Variants in PCGF5 observed in about 807,000 individuals in gnomAD.
PCGF5 encodes the protein polycomb group RING finger protein 5.
In PCGF5, 9 loss-of-function variants were observed where a neutral mutation model predicts 44.3. The observed-to-expected ratio is 0.20, with a 90% CI of 0.12 to 0.35. The LOEUF (loss-of-function observed/expected upper bound fraction) is 0.35. PCGF5 is among the 10% of genes least tolerant of loss of function. PCGF5 has a pLI of 1.00. For synonymous variants in PCGF5, 95 were observed against 102.5 expected (o/e 0.93, Z 0.44); for missense variants, 146 against 305.3 (o/e 0.48, Z 3.89).
chr10:91,164,913 T>C (rs919874038), intron 1 of PCGF5, among the ~76,000 whole-genome samples: 1 of 152,256 alleles, frequency 6.6e-6, no homozygotes, highest in African/African-American at 2.4e-5. Flanking sequence ...CTCTTCTTAC[T>C]GGAATGTAAG....
intron 9 of PCGF5, among the ~76,000 whole-genome samples, chr10:91,273,704 A>C (rs1846237984): frequency 6.6e-6 from 1 of 152,106 alleles, no homozygotes; most frequent in Non-Finnish European, 1.5e-5. Flanking sequence ...TGCCATTCTT[A>C]ATAGCAAAAA....
intron 2 of PCGF5, among the ~76,000 whole-genome samples, chr10:91,228,604 T>C (rs1044095112): frequency 1.3e-5 from 2 of 152,200 alleles, no homozygotes; most frequent in Non-Finnish European, 1.5e-5. Flanking sequence ...TGTGGTAATA[T>C]GTAAGAAGGA....
upstream of PCGF5, among the ~76,000 whole-genome samples, chr10:91,215,385 A>T: frequency 6.6e-6 from 1 of 152,382 alleles, no homozygotes. Flanking sequence ...CTTAATATGC[A>T]TATAATAGTC....
At chr10:91,241,138 G>A (rs565225094) in intron 3 of PCGF5, among the ~76,000 whole-genome samples, 5 of 151,356 alleles carry the variant, frequency 3.3e-5, no homozygotes, top group Non-Finnish European at 5.9e-5. Context: ...GCAATGGTGC[G>A]ATCTCAGCTC....
chr10:91,175,287 T>A (rs1016649401), intron 1 of PCGF5, among the ~76,000 whole-genome samples: 5 of 152,028 alleles, frequency 3.3e-5, no homozygotes, highest in African/African-American at 1.2e-4. Flanking sequence ...GGTACAATGA[T>A]CGACTGAAAA....
At chr10:91,255,978 A>G (rs548683062) in intron 6 of PCGF5, among the ~76,000 whole-genome samples, 1 of 152,168 alleles carries the variant, frequency 6.6e-6, no homozygotes, top group South Asian at 2.1e-4. Context: ...TTAATACTAT[A>G]TTATTTTTAT....
At chr10:91,189,273 C>A (rs1843986831) in intron 1 of PCGF5, among the ~76,000 whole-genome samples, 1 of 152,216 alleles carries the variant, frequency 6.6e-6, no homozygotes, top group Non-Finnish European at 1.5e-5. Context: ...TCTTGGTCAT[C>A]TCCCTGTGTT....
intron 2 of PCGF5, among the ~76,000 whole-genome samples, chr10:91,236,235 C>G (rs554767218): frequency 6.6e-6 from 1 of 152,310 alleles, no homozygotes; most frequent in South Asian, 2.1e-4. Context: ...CTTTGCTGCA[C>G]AGCTGTGCAG....
chr10:91,273,836 TG>T (rs1432633865), intron 9 of PCGF5, among the ~76,000 whole-genome samples: 2 of 149,960 alleles, frequency 1.3e-5, no homozygotes, highest in Admixed American at 1.3e-4. Flanking sequence ...TATTATATAG[TG>T]TATAATATAA....
chr10:91,226,214 T>C (rs1404694937), intron 2 of PCGF5, among the ~76,000 whole-genome samples: 2 of 142,028 alleles, frequency 1.4e-5, no homozygotes, highest in African/African-American at 2.6e-5. Flanking sequence ...ATAATTGGTG[T>C]GCAAAACCAG....
At chr10:91,213,938 T>G (rs1233952484) in intron 1 of PCGF5, among the ~76,000 whole-genome samples, 1 of 152,168 alleles carries the variant, frequency 6.6e-6, no homozygotes, top group African/African-American at 2.4e-5. Flanking sequence ...TGACCTTATT[T>G]GGAAAGGTCA....
intron 1 of PCGF5, among the ~76,000 whole-genome samples, chr10:91,200,355 C>T (rs1030484783): frequency 1.3e-5 from 2 of 151,644 alleles, no homozygotes; most frequent in South Asian, 4.2e-4. Context: ...TATCTTCCTA[C>T]TCGGTGCCCA....
At chr10:91,232,177 G>A (rs1377375009) in intron 2 of PCGF5, among the ~76,000 whole-genome samples, 2 of 152,154 alleles carry the variant, frequency 1.3e-5, no homozygotes, top group African/African-American at 2.4e-5. Context: ...TAAGTGGGTT[G>A]AGTAAGATGG....
At chr10:91,158,178 T>C (rs1211113995), upstream of PCGF5, among the ~76,000 whole-genome samples, 2 of 152,212 alleles carry the variant, frequency 1.3e-5, no homozygotes, top group Admixed American at 6.5e-5. Flanking sequence ...ACTTTATTTA[T>C]AGGAGAGATA....
chr10:91,195,479 T>TAG (rs1217429369), intron 1 of PCGF5, among the ~76,000 whole-genome samples: 3 of 117,724 alleles, frequency 2.5e-5, no homozygotes, highest in Non-Finnish European at 5.2e-5. Flanking sequence ...TGCATATATA[T>TAG]ATATATAGAG....
At chr10:91,250,283 A>T (rs1033014696) in intron 5 of PCGF5, among the ~76,000 whole-genome samples, 17 of 151,990 alleles carry the variant, frequency 1.1e-4, no homozygotes, top group Non-Finnish European at 2.1e-4. Context: ...TAGTGCTTTT[A>T]CTACAGTCAT....
chr10:91,175,064 A>G (rs1488822029), intron 1 of PCGF5, among the ~76,000 whole-genome samples: 1 of 152,150 alleles, frequency 6.6e-6, no homozygotes, highest in Non-Finnish European at 1.5e-5. Flanking sequence ...GAATTCCAGA[A>G]AGTTTCTGGA....
chr10:91,199,512 G>C (rs112741909), intron 1 of PCGF5, among the ~76,000 whole-genome samples: 88 of 152,310 alleles, frequency 5.8e-4, no homozygotes, highest in African/African-American at 2.0e-3. Context: ...GCCTGCAAGA[G>C]GCCAACAACA....
chr10:91,230,838 G>A (rs1844982714), intron 2 of PCGF5, among the ~76,000 whole-genome samples: 2 of 152,068 alleles, frequency 1.3e-5, no homozygotes, highest in Non-Finnish European at 2.9e-5. Flanking sequence ...GCCCAGCCTG[G>A]TCTTGAACTC....
Sources: gnomAD v4.1 joint callset for allele counts (sites outside exome capture counted in the v4.1 genomes callset) on GRCh38, gnomAD v4.1.1 for gene constraint, MANE v1.5 for transcripts, NCBI Gene and HGNC (gene_info 2026-07-23, HGNC 2026-07-21) for gene names.